Variants in ADAM22 observed in about 807,000 individuals in gnomAD.
The protein encoded by ADAM22 is ADAM metallopeptidase domain 22.
A neutral mutation model predicts 144.6 loss-of-function variants in ADAM22; 65 were observed. That is an observed-to-expected ratio of 0.45 (90% confidence interval 0.37 to 0.55). The LOEUF is 0.55. Among genes scored for constraint, ADAM22 ranks in the 20% least tolerant of loss-of-function variants. The pLI, the probability that ADAM22 is intolerant of heterozygous loss-of-function variation, is 0.00. For synonymous variants in ADAM22, 391 were observed against 412.6 expected (o/e 0.95, Z 0.63); for missense variants, 974 against 1,184.9 (o/e 0.82, Z 2.61).
intron 3 of ADAM22, among the ~76,000 whole-genome samples, chr7:88,003,931 G>C (rs1184372741): frequency 4.6e-5 from 7 of 152,186 alleles, no homozygotes; most frequent in Non-Finnish European, 1.5e-5. Flanking sequence ...CTTGTTACTG[G>C]TTACTTGCAC....
At chr7:88,122,477 C>A (rs544212099) in intron 7 of ADAM22, among the ~76,000 whole-genome samples, 20 of 152,272 alleles carry the variant, frequency 1.3e-4, no homozygotes, top group African/African-American at 4.6e-4. Flanking sequence ...TCAAATTCTT[C>A]TCTTTGGCCC....
At chr7:87,943,542 A>G (rs1842877170) in intron 2 of ADAM22, among the ~76,000 whole-genome samples, 1 of 152,210 alleles carries the variant, frequency 6.6e-6, no homozygotes, top group Non-Finnish European at 1.5e-5. Flanking sequence ...TTTTTAAAAT[A>G]GAAATATTTT....
chr7:88,061,153 A>T (rs1023327525), intron 3 of ADAM22, among the ~76,000 whole-genome samples: 1 of 152,144 alleles, frequency 6.6e-6, no homozygotes, highest in African/African-American at 2.4e-5. Context: ...GAAATGTAGC[A>T]TTCAGTCACA....
rs1554478726 is a variant in ADAM22 at position 88,113,703 on chromosome 7, A to AATAAATAAATAAATAT, written c.474-878_474-877insAATAAATAAATATATA. Among the ~76,000 whole-genome samples the AATAAATAAATAAATAT allele has an allele frequency of 6.4e-3, 309 of 48,028 alleles. 4 individuals are homozygous for AATAAATAAATAAATAT. Among genetic ancestry groups the AATAAATAAATAAATAT allele is most frequent in the African/African-American group, 0.018 (223 of 12,432 alleles). The allele number at this position is 48,028 out of a possible 152,430, so 31.5% of individuals were successfully genotyped here. On this transcript the variant is annotated intron_variant, in intron 5 of 31. Transcript: ENST00000413139. ...TATATATATTATAAATAAATAAATA[A>AATAAATAAATAAATAT]ATATATATATATATATATATATATA... is the stretch of plus-strand genomic sequence containing the variant.
chr7:88,193,009 G>T (rs1388437906), intron 30 of ADAM22, 107 bp from the exon 31 acceptor site: 1 of 1,319,234 alleles, frequency 7.6e-7, no homozygotes, highest in Non-Finnish European at 1.1e-6. Flanking sequence ...TGCAGTAGTG[G>T]TATATGAAAG....
At chr7:88,195,664 C>T (rs572972011) in intron 31 of ADAM22, among the ~76,000 whole-genome samples, 7 of 152,072 alleles carry the variant, frequency 4.6e-5, no homozygotes, top group African/African-American at 9.6e-5. Flanking sequence ...TACAGGTGCC[C>T]GCCACCACGC....
rs544772266 is a variant in ADAM22, at chr7:88,198,050, C to G, written c.*1559C>G. The G allele has an allele frequency of 3.9e-5, 6 of 152,262 alleles. No homozygotes were observed. The highest frequency in any genetic ancestry group is 1.2e-4 in the African/African-American group (5 of 41,546). The allele number at this position is 152,262 out of a possible 1,614,324, so 9.4% of individuals were successfully genotyped here. A position where few individuals can be genotyped will look rare whatever the true frequency, so the allele number is the denominator to read the frequency against. On this transcript the variant is annotated 3_prime_UTR_variant, in exon 32 of 32. Transcript: ENST00000413139. ...CCTAGTGAGGCTGGAGATTGATGGG[C>G]TCAATCACATGGTCTGCTCTGAAGT...
At chr7:88,134,540 T>C in intron 13 of ADAM22, 121 bp downstream of exon 13, 1 of 661,716 alleles carries the variant, frequency 1.5e-6, no homozygotes, top group Non-Finnish European at 2.5e-6. Context: ...TAGTAAAAGA[T>C]AAACATCCAG....
chr7:88,150,895 GT>G, intron 18 of ADAM22, 85 bp from the exon 19 acceptor site: 2 of 1,172,250 alleles, frequency 1.7e-6, no homozygotes, highest in Admixed American at 1.8e-5. Flanking sequence ...TAACAAATAT[GT>G]TTTTAAAAGT....
intron 4 of ADAM22, among the ~76,000 whole-genome samples, chr7:88,094,074 A>G (rs1337723784): frequency 6.6e-6 from 1 of 152,174 alleles, no homozygotes; most frequent in Non-Finnish European, 1.5e-5. Flanking sequence ...AGTGCTTGCC[A>G]GGGGCCAGTG....
At chr7:88,185,926 AG>A (rs1233182181) in intron 29 of ADAM22, 2 of 152,292 alleles carry the variant, frequency 1.3e-5, no homozygotes, top group Non-Finnish European at 2.9e-5. Context: ...TGCACAAAGA[AG>A]AGGAAGGAAC....
In ADAM22 at chr7:88,128,761, C is replaced by G. The variant is rs1831054182; in HGVS notation, c.753+85C>G. The G allele has an allele frequency of 5.5e-6, 6 of 1,096,096 alleles. 1 individual carries two copies. Among genetic ancestry groups the G allele is most frequent in the Middle Eastern group, 4.1e-4 (2 of 4,888 alleles). The allele number at this position is 1,096,096 out of a possible 1,614,324, so 67.9% of individuals were successfully genotyped here. On this transcript the variant is annotated intron_variant, in intron 9 of 31. Transcript: ENST00000413139. The stretch of plus-strand genomic sequence containing the variant: ...AAATATGTTTAGAAAAAACAAGAAG[C>G]CCATCAAGTTGTAACCTGGAGAAGG...
chr7:88,017,795 A>ATG (rs1323769806), intron 3 of ADAM22, among the ~76,000 whole-genome samples: 23 of 151,836 alleles, frequency 1.5e-4, no homozygotes, highest in African/African-American at 5.1e-4. Flanking sequence ...ATATATATAT[A>ATG]TGTGTGTGTA....
chr7:88,065,349 G>A (rs938165664), intron 3 of ADAM22, among the ~76,000 whole-genome samples: 7 of 151,896 alleles, frequency 4.6e-5, no homozygotes, highest in Admixed American at 2.6e-4. Flanking sequence ...AAAATATTTC[G>A]TTTAACCAAG....
chr7:88,183,004 A>G (rs1164190999), intron 29 of ADAM22, among the ~76,000 whole-genome samples: 1 of 152,164 alleles, frequency 6.6e-6, no homozygotes, highest in African/African-American at 2.4e-5. Context: ...TCCGTCATAT[A>G]CCCTGCCTTT....
At chr7:88,077,502 C>A (rs570721824) in intron 4 of ADAM22, among the ~76,000 whole-genome samples, 1 of 152,132 alleles carries the variant, frequency 6.6e-6, no homozygotes, top group Non-Finnish European at 1.5e-5. Flanking sequence ...GGGTGCAGGA[C>A]AATGGGTGCA....
intron 12 of ADAM22, among the ~76,000 whole-genome samples, chr7:88,133,356 C>T (rs1832257774): frequency 4.2e-5 from 6 of 142,186 alleles, no homozygotes; most frequent in Admixed American, 3.9e-4. Context: ...GAGTGAGACC[C>T]TGTCTCTAAA....
chr7:88,146,678 G>A (rs975257994), intron 17 of ADAM22, among the ~76,000 whole-genome samples: 6 of 152,130 alleles, frequency 3.9e-5, no homozygotes, highest in African/African-American at 1.4e-4. Flanking sequence ...TTTGGGATGG[G>A]CATTATTATC....
At chr7:88,103,551 G>A (rs1823527381) in intron 4 of ADAM22, among the ~76,000 whole-genome samples, 1 of 151,862 alleles carries the variant, frequency 6.6e-6, no homozygotes, top group African/African-American at 2.4e-5. Context: ...AAAAATAAAC[G>A]TTTGTACTTT....
Sources: allele counts gnomAD v4.1 joint callset (sites outside exome capture counted in the v4.1 genomes callset), GRCh38; gene constraint gnomAD v4.1.1; transcripts MANE v1.5; gene names NCBI Gene and HGNC (gene_info 2026-07-23, HGNC 2026-07-21).